LMF1: variants seen among roughly 807,000 people sequenced by gnomAD.
LMF1 encodes the protein transmembrane protein 112.
A neutral mutation model predicts 60.6 loss-of-function variants in LMF1; 68 were observed. The ratio of observed to expected loss-of-function variants is 1.12; its 90% confidence interval spans 0.92 to 1.37. The LOEUF (loss-of-function observed/expected upper bound fraction) is 1.37, where lower values mean the gene tolerates loss of function less well. Ranked by LOEUF, LMF1 falls within the 40% of genes most tolerant of loss-of-function variation. LMF1 has a pLI of 0.00. For synonymous variants in LMF1, 418 were observed against 324.7 expected, an observed-to-expected ratio of 1.29 and a Z score of -3.09; for missense variants, 948 against 767.2, an observed-to-expected ratio of 1.24 and a Z score of -2.78.
intron 3 of LMF1, among the ~76,000 whole-genome samples, chr16:918,683 G>C (rs146468644): frequency 6.6e-6 from 1 of 152,094 alleles, no homozygotes; most frequent in African/African-American, 2.4e-5. Flanking sequence ...CAAGGGCCCC[G>C]GCCCTTCAGG....
chr16:891,150 G>A (rs2070476252), intron 5 of LMF1, among the ~76,000 whole-genome samples: 4 of 152,226 alleles, frequency 2.6e-5, no homozygotes, highest in Non-Finnish European at 4.4e-5. Flanking sequence ...AGGCAGTGCT[G>A]ACAGGCAGCT....
At chr16:865,865 A>G (rs528860501) in intron 10 of LMF1, among the ~76,000 whole-genome samples, 31 of 151,920 alleles carry the variant, frequency 2.0e-4, no homozygotes, top group Non-Finnish European at 4.0e-4. Context: ...ACTTGTTCCC[A>G]CTGGGTACTT....
chr16:888,038 C>T (rs780128577), intron 5 of LMF1, among the ~76,000 whole-genome samples: 5 of 152,328 alleles, frequency 3.3e-5, no homozygotes, highest in Admixed American at 6.5e-5. Flanking sequence ...TGGGGGGCTC[C>T]GTGCCCGTCA....
chr16:916,188 CTG>C (rs1191489064), intron 3 of LMF1, among the ~76,000 whole-genome samples: 1 of 152,182 alleles, frequency 6.6e-6, no homozygotes, highest in African/African-American at 2.4e-5. Flanking sequence ...CTCATTAACT[CTG>C]TGGAAACTAT....
intron 3 of LMF1, among the ~76,000 whole-genome samples, chr16:928,210 C>T (rs4984985): frequency 0.31 from 46,640 of 151,904 alleles, 9,029 homozygotes; most frequent in African/African-American, 0.53. Flanking sequence ...GCCCCCCCAG[C>T]CTCCACGTGT....
At chr16:870,938 C>A (rs2069769645) in intron 7 of LMF1, 56 bp from the exon 8 acceptor site, 4 of 1,533,110 alleles carry the variant, frequency 2.6e-6, no homozygotes, top group Admixed American at 2.0e-5. Context: ...GTGGCCTGTC[C>A]CTGGGGAGAC....
intron 5 of LMF1, among the ~76,000 whole-genome samples, chr16:890,820 G>C (rs2070461605): frequency 6.6e-6 from 1 of 151,744 alleles, no homozygotes; most frequent in African/African-American, 2.4e-5. Flanking sequence ...AGTGGGTTTG[G>C]GCCCTGCCTG....
chr16:930,353 G>A (rs527335346), intron 3 of LMF1, among the ~76,000 whole-genome samples: 4 of 152,306 alleles, frequency 2.6e-5, no homozygotes, highest in Admixed American at 6.5e-5. Flanking sequence ...AGATGTGAAC[G>A]GAGACCCAAA....
intron 5 of LMF1, among the ~76,000 whole-genome samples, chr16:890,993 G>A (rs928046535): frequency 1.2e-4 from 19 of 152,322 alleles, no homozygotes; most frequent in African/African-American, 3.4e-4. Context: ...TGGTGTTGAC[G>A]GCTGACACAG....
chr16:911,662 TG>T (rs1307043234), intron 3 of LMF1, among the ~76,000 whole-genome samples: 1 of 39,246 alleles, frequency 2.5e-5, no homozygotes, highest in African/African-American at 1.1e-4. Flanking sequence ...GGGGCAGCAC[TG>T]GGGGGGCAGC....
chr16:942,699 G>A (rs1040036965), intron 2 of LMF1, among the ~76,000 whole-genome samples: 2 of 137,172 alleles, frequency 1.5e-5, no homozygotes, highest in Admixed American at 7.3e-5. Flanking sequence ...CTCTCTGTGG[G>A]GCTCCAATCA....
chr16:918,662 G>A (rs933527657), intron 3 of LMF1, among the ~76,000 whole-genome samples: 11 of 152,080 alleles, frequency 7.2e-5, no homozygotes, highest in African/African-American at 2.4e-4. Context: ...CCTGGGTCAC[G>A]GGGTGTGCCT....
At chr16:973,983 C>T (rs954931626), upstream of LMF1, among the ~76,000 whole-genome samples, 1 of 147,364 alleles carries the variant, frequency 6.8e-6, no homozygotes, top group African/African-American at 2.5e-5. Context: ...GCCCTCCAGC[C>T]TGGGCGACAG....
At chr16:911,854 C>T (rs1311045044) in intron 3 of LMF1, among the ~76,000 whole-genome samples, 2 of 152,072 alleles carry the variant, frequency 1.3e-5, no homozygotes, top group Non-Finnish European at 2.9e-5. Context: ...GTCAGCCCCT[C>T]GCAGTCCCAG....
chr16:886,256 C>T (rs972279346), intron 5 of LMF1, among the ~76,000 whole-genome samples: 5 of 152,296 alleles, frequency 3.3e-5, no homozygotes, highest in African/African-American at 7.2e-5. Flanking sequence ...CAGATGCAGG[C>T]GCTGCTGTCC....
chr16:855,762 G>C (rs4984950), intron 10 of LMF1: 14,772 of 456,030 alleles, frequency 0.032, 903 homozygotes, highest in Admixed American at 0.16. Flanking sequence ...GCAGGTGCCA[G>C]AGGCTTCACA....
chr16:890,077 C>T (rs983734024), intron 5 of LMF1, among the ~76,000 whole-genome samples: 22 of 152,220 alleles, frequency 1.4e-4, no homozygotes, highest in Non-Finnish European at 2.9e-4. Flanking sequence ...TAGGACCCCC[C>T]AGTGCTTCTG....
upstream of LMF1, among the ~76,000 whole-genome samples, chr16:973,332 G>A (rs1021493647): frequency 1.3e-5 from 2 of 152,174 alleles, no homozygotes; most frequent in African/African-American, 2.4e-5. Flanking sequence ...GCCACAGAGC[G>A]AGACTCTGTC....
In LMF1 at chr16:874,608, T is replaced by C. The variant is rs1567163549; in HGVS notation, c.898-3267A>G. Among the ~76,000 whole-genome samples the C allele has an allele frequency of 6.6e-6, 1 of 151,974 alleles. No individual in the cohort carries two copies. The highest frequency in any genetic ancestry group is 1.5e-5 in the Non-Finnish European group (1 of 67,954). ...AACCCTCCGGAACAGCTGTGTAAAC[T>C]GCGTGGGAGGAGGGAGGCTGCTCAT... On this transcript the variant is annotated intron_variant, in intron 6 of 10. Transcript: ENST00000262301. The surrounding 1 kb of genome is among the most constrained non-coding windows in gnomAD (Gnocchi z 4.1).
Sources: allele counts gnomAD v4.1 joint callset (sites outside exome capture counted in the v4.1 genomes callset), GRCh38; gene constraint gnomAD v4.1.1; non-coding constraint Gnocchi (gnomAD v3.1); transcripts MANE v1.5; gene names NCBI Gene and HGNC (gene_info 2026-07-23, HGNC 2026-07-21).